The following GRM5 variants were observed in gnomAD, a reference collection of about 807,000 sequenced individuals.
GRM5 encodes the protein metabotropic glutamate receptor 5.
A neutral mutation model predicts 83.1 loss-of-function variants in GRM5; 19 were observed. The ratio of observed to expected loss-of-function variants is 0.23; its 90% CI spans 0.16 to 0.34. The LOEUF (loss-of-function observed/expected upper bound fraction) is 0.34. Ranked by LOEUF, GRM5 falls within the 10% of genes least tolerant of loss-of-function variation. GRM5 has a pLI of 1.00. For synonymous variants in GRM5, 675 were observed against 633.6 expected (o/e 1.07, Z -0.98); for missense variants, 1,160 against 1,588.3 (o/e 0.73, Z 4.58).
At chr11:88,679,836 T>C (rs1034098287) in intron 3 of GRM5, among the ~76,000 whole-genome samples, 1 of 152,164 alleles carries the variant, frequency 6.6e-6, no homozygotes, top group Non-Finnish European at 1.5e-5. Flanking sequence ...GCTCAACAAA[T>C]CGATTTTAAA....
chr11:88,601,736 G>A (rs1938004927), intron 5 of GRM5, among the ~76,000 whole-genome samples: 1 of 151,990 alleles, frequency 6.6e-6, no homozygotes, highest in Non-Finnish European at 1.5e-5. Context: ...GTCAATTCCG[G>A]GTGGCAGCCA....
chr11:88,924,810 G>A (rs1244310301), intron 2 of GRM5, among the ~76,000 whole-genome samples: 1 of 151,834 alleles, frequency 6.6e-6, no homozygotes, highest in Non-Finnish European at 1.5e-5. Flanking sequence ...TAAGAAAGTA[G>A]ATTTTAGGAA....
chr11:88,509,598 C>T, intron 9 of GRM5, 94 bp from the exon 10 acceptor site: 2 of 775,648 alleles, frequency 2.6e-6, no homozygotes, highest in Admixed American at 5.6e-5. Context: ...GGGCCCCGGA[C>T]TGGGGAGGAC....
intron 3 of GRM5, among the ~76,000 whole-genome samples, chr11:88,786,409 A>G (rs11021326): frequency 0.017 from 2,563 of 152,266 alleles, 43 homozygotes; most frequent in East Asian, 0.068. Flanking sequence ...ATTAGCTAAC[A>G]TCACAAATCC....
intron 3 of GRM5, among the ~76,000 whole-genome samples, chr11:88,753,279 A>C (rs1178271369): frequency 6.6e-6 from 1 of 152,156 alleles, no homozygotes; most frequent in Non-Finnish European, 1.5e-5. Context: ...CCCATCAAAA[A>C]CTGGGCAAAG....
chr11:88,565,558 G>C (rs892438549), intron 8 of GRM5, among the ~76,000 whole-genome samples: 2 of 152,152 alleles, frequency 1.3e-5, no homozygotes, highest in Non-Finnish European at 2.9e-5. Flanking sequence ...TTGAAGAAAA[G>C]CTGATAAAAC....
chr11:89,014,314 C>A lies in GRM5; in HGVS notation c.661+32898G>T, dbSNP rs1591048685. On this transcript the variant is annotated intron_variant, in intron 2 of 9. Coordinates refer to ENST00000305447, the MANE Select transcript of GRM5 (RefSeq NM_001143831.3). ...TCTACCAAGACCATTAGTATCACAG[C>A]ACATGGTACAGAAAACAGAATTTGT... 2.0e-5 allele frequency among the ~76,000 whole-genome samples: 3 copies of A among 152,254 alleles called. No homozygotes were observed. The South Asian group carries it at 6.2e-4, about 32-fold the overall frequency.
chr11:88,582,835 A>G (rs1390749807), intron 7 of GRM5, among the ~76,000 whole-genome samples: 1 of 152,100 alleles, frequency 6.6e-6, no homozygotes, highest in Non-Finnish European at 1.5e-5. Flanking sequence ...TTTTCCTTCT[A>G]TAATTTCCTG....
At chr11:88,762,054 T>G (rs1411484087) in intron 3 of GRM5, among the ~76,000 whole-genome samples, 1 of 152,066 alleles carries the variant, frequency 6.6e-6, no homozygotes, top group Admixed American at 6.6e-5. Context: ...TCAAGATGGA[T>G]TAAATACTTA....
chr11:88,508,474 G>A lies in GRM5; in HGVS notation c.*118C>T, dbSNP rs1941240743. ...TACTGATCTCGTGTTTCCATTAAGG[G>A]GTGCCCTTGGCATCTTCCCCCTGGG... On this transcript the variant is annotated 3_prime_UTR_variant, in exon 10 of 10. Coordinates refer to ENST00000305447, the MANE Select transcript of GRM5 (RefSeq NM_001143831.3). The surrounding 1 kb of genome is among the most constrained non-coding windows in gnomAD (Gnocchi z 4.2). 2 of 682,492 alleles carry A rather than the reference G, an allele frequency of 2.9e-6. No homozygotes were observed. Among genetic ancestry groups the A allele is most frequent in the Non-Finnish European group, 4.8e-6 (2 of 415,886 alleles). 42.3% of individuals were successfully genotyped at this position (682,492 alleles called of 1,614,324 possible).
At chr11:89,056,211 A>G (rs1286928638) in intron 1 of GRM5, among the ~76,000 whole-genome samples, 1 of 152,190 alleles carries the variant, frequency 6.6e-6, no homozygotes, top group Non-Finnish European at 1.5e-5. Flanking sequence ...CTGGTTTACA[A>G]CTGATGAATG....
intron 3 of GRM5, among the ~76,000 whole-genome samples, chr11:88,742,472 AT>A (rs1942049177): frequency 1.3e-5 from 2 of 152,154 alleles, no homozygotes; most frequent in Admixed American, 6.6e-5. Context: ...TGGGATCCAA[AT>A]TTCTAACCTC....
chr11:89,008,197 A>G (rs186794903), intron 2 of GRM5, among the ~76,000 whole-genome samples: 6 of 152,308 alleles, frequency 3.9e-5, no homozygotes, highest in South Asian at 2.1e-4. Context: ...CCTATGCTGG[A>G]AAGAATTCGT....
intron 4 of GRM5, among the ~76,000 whole-genome samples, chr11:88,643,040 A>C (rs1939338389): frequency 6.6e-6 from 1 of 151,856 alleles, no homozygotes; most frequent in African/African-American, 2.4e-5. Context: ...TTCCTGTGTT[A>C]GGTCATTTTT....
intron 2 of GRM5, among the ~76,000 whole-genome samples, chr11:89,018,346 A>T (rs1205412581): frequency 6.6e-6 from 1 of 152,150 alleles, no homozygotes; most frequent in African/African-American, 2.4e-5. Flanking sequence ...GTGATGCAAT[A>T]ATATGTGAAA....
intron 2 of GRM5, among the ~76,000 whole-genome samples, chr11:88,892,586 C>A (rs1945164370): frequency 6.6e-6 from 1 of 151,956 alleles, no homozygotes; most frequent in Non-Finnish European, 1.5e-5. Context: ...GTTTATTCTA[C>A]AAAGAACACA....
intron 3 of GRM5, among the ~76,000 whole-genome samples, chr11:88,771,025 C>T (rs996112529): frequency 6.6e-6 from 1 of 152,010 alleles, no homozygotes; most frequent in Non-Finnish European, 1.5e-5. Context: ...AAACCATGTG[C>T]TTAAGAAAAA....
chr11:88,569,223 C>T (rs771187846), intron 7 of GRM5, among the ~76,000 whole-genome samples: 39 of 152,116 alleles, frequency 2.6e-4, no homozygotes, highest in Admixed American at 7.9e-4. Flanking sequence ...TAATGTGCAA[C>T]CAAAGTTGAG....
intron 8 of GRM5, among the ~76,000 whole-genome samples, chr11:88,547,314 C>A (rs1191132849): frequency 6.6e-6 from 1 of 151,914 alleles, no homozygotes. Flanking sequence ...AGACTCACAA[C>A]CAGAACTCAA....
Sources: gnomAD v4.1 joint callset for allele counts (sites outside exome capture counted in the v4.1 genomes callset) on GRCh38, gnomAD v4.1.1 for gene constraint, Gnocchi (gnomAD v3.1) non-coding constraint, MANE v1.5 for transcripts, NCBI Gene and HGNC (gene_info 2026-07-23, HGNC 2026-07-21) for gene names.